FOXRED2: variants seen among roughly 807,000 people sequenced by gnomAD.
The protein encoded by FOXRED2 is FAD-dependent oxidoreductase domain-containing protein 2.
In FOXRED2, 32 loss-of-function variants were observed where a neutral mutation model predicts 52.5. The observed-to-expected ratio is 0.61, with a 90% CI of 0.46 to 0.82. The LOEUF is 0.82. FOXRED2 is among the 40% of genes least tolerant of loss of function. The probability of loss-of-function intolerance (pLI) is 0.00; values close to 1 mark genes in which losing one functional copy is unlikely to be tolerated. For synonymous variants in FOXRED2, 405 were observed against 398.1 expected (o/e 1.02, Z -0.21); for missense variants, 848 against 937.5 (o/e 0.90, Z 1.25).
chr22:36,495,617 G>A (rs1933875191), intron 7 of FOXRED2, among the ~76,000 whole-genome samples: 1 of 152,166 alleles, frequency 6.6e-6, no homozygotes, highest in Non-Finnish European at 1.5e-5. Context: ...CAGTTTCTCT[G>A]TACTGTGTTA....
intron 5 of FOXRED2, among the ~76,000 whole-genome samples, chr22:36,499,141 G>A (rs1407038084): frequency 6.6e-6 from 1 of 152,034 alleles, no homozygotes; most frequent in Admixed American, 6.6e-5. Flanking sequence ...GGCTGGTCTC[G>A]AACTTCTGAC....
At position 36,489,703 on chromosome 22, in the gene FOXRED2, G is replaced by A; in HGVS notation, c.*305C>T. 1 of 298,174 alleles carries A rather than the reference G, an allele frequency of 3.4e-6. No individual in the cohort carries two copies. 18.5% of individuals were successfully genotyped at this position (298,174 alleles called of 1,614,324 possible). On this transcript the variant is annotated 3_prime_UTR_variant, in exon 9 of 9. Coordinates refer to ENST00000397224, the MANE Select transcript of FOXRED2 (RefSeq NM_001102371.2). ...GGAAGGAAGAGGAGCACTTGAGACGGGGCAGAACTGGGCTGGCCTGGGGCT... is the reference window on the plus strand; with the variant it reads ...GGAAGGAAGAGGAGCACTTGAGACGAGGCAGAACTGGGCTGGCCTGGGGCT...
chr22:36,498,113 G>A lies in FOXRED2; in HGVS notation c.1260C>T (p.Val420=). ...TGGGGAGCTCAGTGGCGGGCCAGGT[G>A]ACGCTGTGGTGGCGGTGCTCCAGGA... ...HRLLEHRHHS[V]TWPATELPIT... is the part of the protein sequence containing the mutation. The change falls in exon 6 of 9, where the codon GTC becomes GTT. Residue 420 remains valine, a synonymous_variant. Transcript: ENST00000397224. 6.2e-7 allele frequency: 1 copy of A among 1,613,080 alleles called. No individual in the cohort carries two copies. Among genetic ancestry groups the A allele is most frequent in the Non-Finnish European group, 8.5e-7 (1 of 1,179,994 alleles).
At chr22:36,490,597 G>A (rs914249832) in intron 8 of FOXRED2, among the ~76,000 whole-genome samples, 2 of 152,260 alleles carry the variant, frequency 1.3e-5, no homozygotes, top group African/African-American at 2.4e-5. Flanking sequence ...CACACTGGGG[G>A]CGGGGCTCCG....
At position 36,496,115 on chromosome 22, in the gene FOXRED2, G is replaced by C; in HGVS notation, c.1476C>G (p.Leu492=). 6.2e-7 allele frequency: 1 copy of C among 1,614,242 alleles called. No individual in the cohort carries two copies. ...TLTGRKAKHG[L]FVINMEYGRN... ...TGCCATATTCCATGTTGATGACGAA[G>C]AGCCCGTGCTTTGCCTTCCTCCCTG... is the stretch of plus-strand genomic sequence containing the variant. Residue 492 remains leucine, a synonymous_variant, in exon 7 of 9, where the codon CTC becomes CTG. Transcript: ENST00000397224.
intron 4 of FOXRED2, 36 bp downstream of exon 4, chr22:36,504,062 G>C: frequency 1.9e-6 from 3 of 1,598,252 alleles, no homozygotes; most frequent in South Asian, 2.3e-5. Flanking sequence ...AGGAGGGTTT[G>C]CTAGGAGAGC....
Position 36,504,157 on chromosome 22 carries a change from C to A in FOXRED2, c.990G>T (p.Val330=), listed in dbSNP as rs763512172. The change falls in exon 4 of 9, where the codon GTG becomes GTT. Residue 330 remains valine, a synonymous_variant. Transcript: ENST00000397224. ...GGCAGCGGATTACCCGGTCATAGGG[C>A]ACGCGCATGGCAAAGTTGTCATTGT... is the stretch of plus-strand genomic sequence containing the variant. The part of the protein sequence containing the change: ...QDDNDNFAMR[V]PYDRVIRCLG... 17 of 1,614,118 alleles carry A rather than the reference C, an allele frequency of 1.1e-5. No homozygotes were observed. Among genetic ancestry groups the A allele is most frequent in the Non-Finnish European group, 1.4e-5 (17 of 1,180,056 alleles).
intron 2 of FOXRED2, 22 bp downstream of exon 2, chr22:36,505,874 T>G: frequency 1.3e-6 from 2 of 1,598,912 alleles, no homozygotes; most frequent in Non-Finnish European, 1.7e-6. Flanking sequence ...CTTCCGCAGG[T>G]GAGCTCTGGC....
At chr22:36,494,373 G>A (rs1195748852) in intron 7 of FOXRED2, among the ~76,000 whole-genome samples, 1 of 152,118 alleles carries the variant, frequency 6.6e-6, no homozygotes, top group Non-Finnish European at 1.5e-5. Flanking sequence ...TGACCCACCC[G>A]CCTCAGCCTC....
Position 36,493,846 on chromosome 22 carries a change from G to T in FOXRED2, c.1625-43C>A, listed in dbSNP as rs1198238772. On this transcript the variant is annotated intron_variant, in intron 7 of 8. Transcript: ENST00000397224. ...GGGGCCATGTCAGAGCTGTGAGGCT[G>T]GGCTTCCCCTCCTCGGGCCGACACA... is the stretch of plus-strand genomic sequence containing the variant. 2.5e-6 allele frequency: 4 copies of T among 1,583,294 alleles called. No homozygotes were observed. The South Asian group carries it at 4.5e-5, about 18-fold the overall frequency.
chr22:36,493,839 T>C (rs774087881), intron 7 of FOXRED2, 36 bp from the exon 8 acceptor site: 13 of 1,601,152 alleles, frequency 8.1e-6, no homozygotes, highest in African/African-American at 1.3e-5. Context: ...GTCAGAGCTG[T>C]GAGGCTGGGC....
In FOXRED2 at chr22:36,505,887, C is replaced by G; in HGVS notation, c.527+9G>C. On this transcript the variant is annotated intron_variant, in intron 2 of 8. Transcript: ENST00000397224. ...AGCTTCCGCAGGTGAGCTCTGGCAC[C>G]GGCCTTACCTGCACTGATGCACCTG... The G allele has an allele frequency of 1.9e-6, 3 of 1,602,586 alleles. No homozygotes were observed. The highest frequency in any genetic ancestry group is 2.6e-6 in the Non-Finnish European group (3 of 1,170,370).
chr22:36,496,197 G>T lies in FOXRED2; in HGVS notation c.1394C>A (p.Ala465Asp), dbSNP rs1411185227. The part of the protein sequence containing the change: ...DVILLKENST[A>D]FEYLEEFPIQ... The stretch of plus-strand genomic sequence containing the variant: ...GGGGAACTCCTCCAGGTACTCAAAG[G>T]CCGTGGAATTCCTGGGAGAACAGCA... The change falls in exon 7 of 9, where the codon GCC becomes GAC. Residue 465 changes from alanine (A) to aspartate (D), a missense_variant. Transcript: ENST00000397224. 2 of 1,613,754 alleles carry T rather than the reference G, an allele frequency of 1.2e-6. No individual in the cohort carries two copies. The highest frequency in any genetic ancestry group is 4.5e-5 in the East Asian group (2 of 44,886).
chr22:36,492,503 C>A (rs568067446), intron 8 of FOXRED2, among the ~76,000 whole-genome samples: 2 of 152,304 alleles, frequency 1.3e-5, no homozygotes, highest in South Asian at 4.1e-4. Context: ...CCCTCACACA[C>A]CCTGGCATTT....
rs1474984152 is a variant in FOXRED2 at position 36,489,359 on chromosome 22, T to C, written c.*649A>G. ...GCTCGAGATCAGCCTGCTGGGCCTA[T>C]GATGATAAGCAGGGCTGACCCTCTT... On this transcript the variant is annotated 3_prime_UTR_variant, in exon 9 of 9. Coordinates refer to ENST00000397224, the MANE Select transcript of FOXRED2 (RefSeq NM_001102371.2). 1 of 152,190 alleles carries C rather than the reference T, an allele frequency of 6.6e-6. No homozygotes were observed. The highest frequency in any genetic ancestry group is 1.5e-5 in the Non-Finnish European group (1 of 68,052). The allele number at this position is 152,190 out of a possible 1,614,324, so 9.4% of individuals were successfully genotyped here.
At chr22:36,502,696 T>G (rs1334427463) in intron 4 of FOXRED2, among the ~76,000 whole-genome samples, 3 of 151,830 alleles carry the variant, frequency 2.0e-5, no homozygotes, top group African/African-American at 7.3e-5. Context: ...TCCTCTCTCT[T>G]TTTTTGTTTT....
At chr22:36,491,684 C>T (rs540480888) in intron 8 of FOXRED2, among the ~76,000 whole-genome samples, 6 of 152,242 alleles carry the variant, frequency 3.9e-5, no homozygotes, top group Admixed American at 1.3e-4. Context: ...GGATTACAGG[C>T]GTGATCCAGC....
chr22:36,504,872 C>A, intron 2 of FOXRED2, 106 bp from the exon 3 acceptor site: 3 of 1,221,682 alleles, frequency 2.5e-6, no homozygotes, highest in Non-Finnish European at 2.3e-6. Flanking sequence ...CTCCAACCGC[C>A]GGCCCCTAAA....
chr22:36,505,396 G>A (rs183038255), intron 2 of FOXRED2, among the ~76,000 whole-genome samples: 15 of 152,174 alleles, frequency 9.9e-5, no homozygotes, highest in African/African-American at 1.9e-4. Flanking sequence ...GGTGAGGATC[G>A]CCATCCAGGG....
Sources: gnomAD v4.1 joint callset for allele counts (sites outside exome capture counted in the v4.1 genomes callset) on GRCh38, gnomAD v4.1.1 for gene constraint, MANE v1.5 for transcripts, NCBI Gene and HGNC (gene_info 2026-07-23, HGNC 2026-07-21) for gene names.